The following ABI3BP variants were observed in gnomAD, a reference collection of about 807,000 sequenced individuals.
ABI3BP encodes the protein ABI family member 3 binding protein, also known as target of Nesh-SH3.
A neutral mutation model predicts 268.6 loss-of-function variants in ABI3BP; 216 were observed. That is an observed-to-expected ratio of 0.80 (90% CI 0.72 to 0.90). The LOEUF is 0.90. Ranked by LOEUF, ABI3BP falls within the 40% of genes least tolerant of loss-of-function variation. ABI3BP has a pLI of 0.00. For missense variants in ABI3BP, 2,090 were observed against 2,182.4 expected (o/e 0.96, Z 0.84); for synonymous variants, 730 against 730.0 (o/e 1.00, Z 0.00).
intron 35 of ABI3BP, 114 bp from the exon 36 acceptor site, chr3:100,825,055 T>C: frequency 2.3e-6 from 2 of 869,382 alleles, no homozygotes; most frequent in South Asian, 3.9e-5. Context: ...TAGTTGTTTT[T>C]AGTTTTACTT....
intron 1 of ABI3BP, among the ~76,000 whole-genome samples, chr3:100,951,204 T>A (rs1216837872): frequency 6.6e-6 from 1 of 151,934 alleles, no homozygotes; most frequent in Admixed American, 6.6e-5. Flanking sequence ...TGCAGACCTC[T>A]GACCACCCTA....
chr3:100,804,676 C>A, intron 51 of ABI3BP, 116 bp downstream of exon 51: 1 of 907,760 alleles, frequency 1.1e-6, no homozygotes, highest in Admixed American at 2.0e-5. Flanking sequence ...TATGATACAA[C>A]ATGGGATTTA....
chr3:100,749,318 C>CAAACAA lies in ABI3BP; in HGVS notation c.*1171_*1176dup, dbSNP rs1553708522. 3.1e-5 allele frequency: 2 copies of CAAACAA among 65,002 alleles called. No individual in the cohort carries two copies. The highest frequency in any genetic ancestry group is 1.9e-4 in the African/African-American group (2 of 10,618). 4.0% of individuals were successfully genotyped at this position (65,002 alleles called of 1,614,324 possible). ...ATACTGATGAACCATTCAGAAATAA[C>CAAACAA]AAACAAAAACTCAATCTTAAAAAAA... On this transcript the variant is annotated 3_prime_UTR_variant, in exon 68 of 68. Coordinates refer to ENST00000471714, the MANE Select transcript of ABI3BP (RefSeq NM_001375547.2).
rs571048944 is a variant in ABI3BP, at chr3:100,810,909, G to T, written c.3541+321C>A. Among the ~76,000 whole-genome samples the T allele has an allele frequency of 1.1e-4, 16 of 152,170 alleles. No homozygotes were observed. The South Asian group carries it at 2.7e-3, about 26-fold the overall frequency. ...GGTCAGAAAGTATAAATGGATCATCGCACCAAAAAAGCATTATCTGAAACA... is the reference window on the plus strand; with the variant it reads ...GGTCAGAAAGTATAAATGGATCATCTCACCAAAAAAGCATTATCTGAAACA... On this transcript the variant is annotated intron_variant, in intron 48 of 67. Coordinates refer to ENST00000471714, the MANE Select transcript of ABI3BP (RefSeq NM_001375547.2).
chr3:100,832,163 G>T, intron 31 of ABI3BP, 101 bp downstream of exon 31: 1 of 1,137,356 alleles, frequency 8.8e-7, no homozygotes, highest in Non-Finnish European at 1.2e-6. Flanking sequence ...ACTCTTAAGA[G>T]ATATATAGGG....
At chr3:100,901,543 A>C (rs1465636253) in intron 3 of ABI3BP, among the ~76,000 whole-genome samples, 1 of 152,090 alleles carries the variant, frequency 6.6e-6, no homozygotes, top group East Asian at 1.9e-4. Context: ...GTGGGGGTGG[A>C]TCATGAGGTC....
intron 51 of ABI3BP, among the ~76,000 whole-genome samples, chr3:100,797,923 T>C (rs9881972): frequency 0.12 from 18,139 of 152,164 alleles, 1,878 homozygotes; most frequent in African/African-American, 0.28. Flanking sequence ...GTGGTTTTTT[T>C]TGGGATTCAA....
chr3:100,911,814 G>GA, intron 2 of ABI3BP: 10 of 1,546,592 alleles, frequency 6.5e-6, no homozygotes, highest in Non-Finnish European at 8.9e-6. Flanking sequence ...TTCTTGGTTT[G>GA]AAAAATGCTC....
chr3:100,782,620 C>T (rs2096903810), intron 57 of ABI3BP, among the ~76,000 whole-genome samples: 1 of 151,884 alleles, frequency 6.6e-6, no homozygotes, highest in Admixed American at 6.6e-5. Context: ...CTCTCCTGCA[C>T]CTAGCTGCTG....
At chr3:100,894,334 G>A (rs1191235731) in intron 4 of ABI3BP, among the ~76,000 whole-genome samples, 3 of 152,164 alleles carry the variant, frequency 2.0e-5, no homozygotes, top group African/African-American at 7.2e-5. Flanking sequence ...TGAGTTTGAG[G>A]TAATGGTAAC....
At chr3:100,813,919 G>A (rs529987387) in intron 44 of ABI3BP, among the ~76,000 whole-genome samples, 184 bp from the exon 45 acceptor site, 3 of 152,198 alleles carry the variant, frequency 2.0e-5, no homozygotes, top group African/African-American at 7.2e-5. Flanking sequence ...AGTCTAGCCA[G>A]TGGGCCAATA....
chr3:100,955,352 T>C (rs991974580), intron 1 of ABI3BP, among the ~76,000 whole-genome samples: 2 of 152,196 alleles, frequency 1.3e-5, no homozygotes, highest in African/African-American at 4.8e-5. Context: ...AGATGAATAC[T>C]TTCACAAATG....
chr3:100,956,343 T>G (rs987201975), intron 1 of ABI3BP, among the ~76,000 whole-genome samples: 2 of 152,054 alleles, frequency 1.3e-5, no homozygotes, highest in Non-Finnish European at 2.9e-5. Flanking sequence ...ACATGAAAAT[T>G]ATATGTCCCC....
rs116181060 is a variant in ABI3BP at position 100,863,151 on chromosome 3, T to C, written c.1139-242A>G. 1.4e-3 allele frequency: 594 copies of C among 420,978 alleles called. 5 individuals carry two copies. Among genetic ancestry groups the C allele is most frequent in the African/African-American group, 0.011 (562 of 48,894 alleles). 26.1% of individuals were successfully genotyped at this position (420,978 alleles called of 1,614,324 possible). A position where few individuals can be genotyped will look rare whatever the true frequency, so the allele number is the denominator to read the frequency against. On this transcript the variant is annotated intron_variant, in intron 12 of 67. Transcript: ENST00000471714. The stretch of plus-strand genomic sequence containing the variant: ...ATTTGGACTCTTCTTTCCACCCTTA[T>C]TAAACCAGTTTGCTGATTTCTTCAG...
At chr3:100,954,403 T>A (rs2076134201) in intron 1 of ABI3BP, among the ~76,000 whole-genome samples, 2 of 152,198 alleles carry the variant, frequency 1.3e-5, no homozygotes, top group Admixed American at 6.5e-5. Context: ...TGGCTCACTA[T>A]CAGTCACGAA....
At chr3:100,803,171 C>T (rs1239164705) in intron 51 of ABI3BP, among the ~76,000 whole-genome samples, 1 of 145,928 alleles carries the variant, frequency 6.9e-6, no homozygotes, top group East Asian at 1.9e-4. Flanking sequence ...CCCTAGTTCT[C>T]CAGGAGGCAG....
chr3:100,764,149 T>G (rs984918187), intron 63 of ABI3BP, among the ~76,000 whole-genome samples: 5 of 152,242 alleles, frequency 3.3e-5, no homozygotes, highest in African/African-American at 1.2e-4. Flanking sequence ...TCTAACACTC[T>G]CTTTGCCTAT....
intron 18 of ABI3BP, 98 bp from the exon 19 acceptor site, chr3:100,847,771 A>G: frequency 2.0e-6 from 2 of 1,000,386 alleles, no homozygotes; most frequent in Non-Finnish European, 3.1e-6. Context: ...ATCCTGCCAT[A>G]TTTAGTAGTC....
At chr3:100,828,864 G>A (rs2098436227) in intron 33 of ABI3BP, among the ~76,000 whole-genome samples, 1 of 152,090 alleles carries the variant, frequency 6.6e-6, no homozygotes, top group Non-Finnish European at 1.5e-5. Context: ...GTATACAGCT[G>A]GGCAACACCC....
Sources: gnomAD v4.1 joint callset for allele counts (sites outside exome capture counted in the v4.1 genomes callset) on GRCh38, gnomAD v4.1.1 for gene constraint, MANE v1.5 for transcripts, NCBI Gene and HGNC (gene_info 2026-07-23, HGNC 2026-07-21) for gene names.